The following DST variants were observed in gnomAD, a reference collection of about 807,000 sequenced individuals.
DST encodes bullous pemphigoid antigen.
A neutral mutation model predicts 875.2 loss-of-function variants in DST; 253 were observed. The observed-to-expected ratio is 0.29, with a 90% CI of 0.26 to 0.32. DST has a LOEUF of 0.32. DST is among the 10% of genes least tolerant of loss of function. The pLI, the probability that DST is intolerant of heterozygous loss-of-function variation, is 1.00. For missense variants in DST, 8,287 were observed against 9,111.6 expected (o/e 0.91, Z 3.68); for synonymous variants, 3,124 against 3,197.1 (o/e 0.98, Z 0.77).
chr6:56,736,120 C>G (rs2099522794), intron 4 of DST, among the ~76,000 whole-genome samples: 1 of 152,098 alleles, frequency 6.6e-6, no homozygotes, highest in Non-Finnish European at 1.5e-5. Flanking sequence ...GAACCCCTGA[C>G]TTCAAGTGAT....
At position 56,735,208 on chromosome 6, in the gene DST, T is replaced by C; in HGVS notation, c.687+20A>G. 7 of 1,497,806 alleles carry C rather than the reference T, an allele frequency of 4.7e-6. No individual in the cohort carries two copies. Among genetic ancestry groups the C allele is most frequent in the African/African-American group, 1.4e-5 (1 of 72,076 alleles). 92.8% of individuals were successfully genotyped at this position (1,497,806 alleles called of 1,614,324 possible). A position where few individuals can be genotyped will look rare whatever the true frequency, so the allele number is the denominator to read the frequency against. On this transcript the variant is annotated intron_variant, in intron 5 of 103. Transcript: ENST00000680361. Reference sequence around the variant, plus strand: ...AAATATTCCAAACAATTCCAGGAAGTGAACGAAATAAAAACTGACCTTCAT... The same window carrying C: ...AAATATTCCAAACAATTCCAGGAAGCGAACGAAATAAAAACTGACCTTCAT...
chr6:56,757,097 A>C (rs1172157601), intron 4 of DST, among the ~76,000 whole-genome samples: 1 of 152,234 alleles, frequency 6.6e-6, no homozygotes, highest in Non-Finnish European at 1.5e-5. Flanking sequence ...GGAAGAAAAA[A>C]AAATACACTT....
rs73749938 is a variant in DST, at chr6:56,497,531, T to G, written c.20095-24A>C. The G allele has an allele frequency of 2.1e-3, 3,345 of 1,609,644 alleles. 45 individuals are homozygous for G. The African/African-American group carries it at 0.034, about 16-fold the overall frequency. ...GCCTGAAGTAATAGGCAGTTTTAAGTTGGGGCCATAAACACTGTCAGTTTC... is the reference window on the plus strand; with the variant it reads ...GCCTGAAGTAATAGGCAGTTTTAAGGTGGGGCCATAAACACTGTCAGTTTC... On this transcript the variant is annotated intron_variant, in intron 81 of 103. Transcript: ENST00000680361.
chr6:56,821,783 G>A (rs1003710060), intron 4 of DST, among the ~76,000 whole-genome samples: 6 of 152,082 alleles, frequency 3.9e-5, no homozygotes, highest in African/African-American at 1.2e-4. Context: ...ATAGAAATCT[G>A]ACCTATCATG....
chr6:56,705,032 G>A (rs564004539), intron 5 of DST, among the ~76,000 whole-genome samples: 3 of 152,230 alleles, frequency 2.0e-5, no homozygotes, highest in South Asian at 2.1e-4. Flanking sequence ...AGCTTTCCCC[G>A]TTCCACAGGC....
chr6:56,882,058 G>A (rs1415871848), intron 3 of DST, among the ~76,000 whole-genome samples: 1 of 152,060 alleles, frequency 6.6e-6, no homozygotes, highest in Non-Finnish European at 1.5e-5. Context: ...TGAACTCCTG[G>A]GACAAACGTT....
At chr6:56,735,372 T>C in intron 4 of DST, 83 bp from the exon 5 acceptor site, 1 of 870,220 alleles carries the variant, frequency 1.1e-6, no homozygotes, top group Non-Finnish European at 1.8e-6. Context: ...TAAACAAAAA[T>C]GAGATATTTA....
intron 5 of DST, among the ~76,000 whole-genome samples, chr6:56,704,728 T>C (rs1175363955): frequency 6.6e-6 from 1 of 151,926 alleles, no homozygotes; most frequent in Non-Finnish European, 1.5e-5. Flanking sequence ...GAGGGTGGAG[T>C]TTTCACCCCC....
intron 10 of DST, among the ~76,000 whole-genome samples, chr6:56,663,027 G>A (rs1309470812): frequency 1.3e-5 from 2 of 152,080 alleles, no homozygotes; most frequent in Non-Finnish European, 2.9e-5. Flanking sequence ...ATATTACAGA[G>A]AATTTCTGTA....
At chr6:56,535,949 T>G (rs1179982438) in intron 62 of DST, among the ~76,000 whole-genome samples, 1 of 152,220 alleles carries the variant, frequency 6.6e-6, no homozygotes, top group African/African-American at 2.4e-5. Flanking sequence ...TATTTACACC[T>G]GATACAGCAT....
In DST at chr6:56,515,622, A is replaced by C. The variant is rs760688522; in HGVS notation, c.18404T>G (p.Ile6135Ser). ...CAGCTGCAGATACCTTTCTGAATTA[A>C]TCTGGCAGATGGTATCATAGTTCTT... ...VLKNYDTICQ[I>S]NSERYLQLER... The change falls in exon 72 of 104, where the codon ATT (isoleucine) becomes AGT (serine). Residue 6135 changes from isoleucine to serine, a missense_variant. This residue lies in a region of DST where 1,292 missense variants were observed against 1,552.7 expected (regional missense o/e 0.83). Transcript: ENST00000680361. 22 of 1,613,102 alleles carry C rather than the reference A, an allele frequency of 1.4e-5. No individual in the cohort carries two copies. The highest frequency in any genetic ancestry group is 8.8e-5 in the South Asian group (8 of 90,992).
chr6:56,517,590 A>C lies in DST; in HGVS notation c.18160T>G (p.Trp6054Gly), dbSNP rs772749968. 6.2e-7 allele frequency: 1 copy of C among 1,613,156 alleles called. No individual in the cohort carries two copies. The highest frequency in any genetic ancestry group is 8.5e-7 in the Non-Finnish European group (1 of 1,179,530). Residue 6054 changes from tryptophan to glycine, a missense_variant, in exon 70 of 104, where the codon TGG becomes GGG. Coordinates refer to ENST00000680361, the MANE Select transcript of DST (RefSeq NM_001374736.1). ...AATTTTTTTTCTGTTTCAGTAATCC[A>C]GGATAACTCAGCATCAGCTGCTTGG... ...FDQAADAELS[W>G]ITETEKKLMS...
At chr6:56,899,764 G>C (rs1048395420) in intron 3 of DST, among the ~76,000 whole-genome samples, 1 of 152,238 alleles carries the variant, frequency 6.6e-6, no homozygotes, top group Non-Finnish European at 1.5e-5. Flanking sequence ...AGAGCACACA[G>C]AACAACGTGC....
chr6:56,472,117 C>T lies in DST; in HGVS notation c.22100G>A (p.Trp7367Ter). The T allele has an allele frequency of 6.2e-7, 1 of 1,613,936 alleles. No individual in the cohort carries two copies. Among genetic ancestry groups the T allele is most frequent in the Non-Finnish European group, 8.5e-7 (1 of 1,179,856 alleles). The change falls in exon 94 of 104, where the codon TGG becomes TAG. Residue 7367 changes from tryptophan (W) to a stop codon, truncating the protein, a stop_gained. Transcript: ENST00000680361. LOFTEE classifies it high-confidence loss of function. ...NLLVSKWQQVWLLALERRRKL... is the reference protein window; with the variant it reads ...NLLVSKWQQV ...CCTCCTTCTTTCCAACGCCAGGAGC[C>T]AGACTTGCTGCCATTTGCTCACCAG... is the stretch of plus-strand genomic sequence containing the variant.
chr6:56,458,949 T>A lies in DST; in HGVS notation c.*56A>T. 1 of 1,463,784 alleles carries A rather than the reference T, an allele frequency of 6.8e-7. No individual in the cohort carries two copies. Among genetic ancestry groups the A allele is most frequent in the Non-Finnish European group, 9.1e-7 (1 of 1,102,754 alleles). 90.7% of individuals were successfully genotyped at this position (1,463,784 alleles called of 1,614,324 possible). ...AAGAATTTCTACACCATATTTTACA[T>A]CGTTCAAACTTAAATAATAAATGCT... On this transcript the variant is annotated 3_prime_UTR_variant, in exon 104 of 104. Coordinates refer to ENST00000680361, the MANE Select transcript of DST (RefSeq NM_001374736.1).
intron 36 of DST, among the ~76,000 whole-genome samples, chr6:56,622,593 A>G (rs990103726): frequency 2.4e-4 from 37 of 151,396 alleles, no homozygotes; most frequent in Middle Eastern, 3.4e-3. Flanking sequence ...AAAAAAAAAA[A>G]AAATCATGTT....
intron 2 of DST, among the ~76,000 whole-genome samples, chr6:56,907,243 T>TA (rs147802650): frequency 0.012 from 1,789 of 152,326 alleles, 31 homozygotes; most frequent in East Asian, 0.039. Flanking sequence ...CTAGTTGTAT[T>TA]AAATTCTCTA....
At chr6:56,776,824 A>G (rs1408642007) in intron 4 of DST, among the ~76,000 whole-genome samples, 1 of 152,208 alleles carries the variant, frequency 6.6e-6, no homozygotes, top group African/African-American at 2.4e-5. Context: ...AATGACCTTT[A>G]TCACATCCAG....
At chr6:56,662,187 C>G (rs1454210265) in intron 10 of DST, among the ~76,000 whole-genome samples, 1 of 152,130 alleles carries the variant, frequency 6.6e-6, no homozygotes, top group Non-Finnish European at 1.5e-5. Flanking sequence ...GGAGGGGAAA[C>G]AGTGCAGAAG....
Sources: gnomAD v4.1 joint callset for allele counts (sites outside exome capture counted in the v4.1 genomes callset) on GRCh38, gnomAD v4.1.1 for gene constraint, gnomAD v4.1.1 regional missense constraint, MANE v1.5 for transcripts, NCBI Gene and HGNC (gene_info 2026-07-23, HGNC 2026-07-21) for gene names.